Variants in BCL7C observed in about 807,000 individuals in gnomAD.
BCL7C encodes BAF chromatin remodeling complex subunit BCL7C.
Under a neutral mutation model 26.2 loss-of-function variants are expected in BCL7C, and 8 were observed. The observed-to-expected ratio is 0.30, with a 90% CI of 0.18 to 0.55. The LOEUF is 0.55. BCL7C is among the 20% of genes least tolerant of loss of function. The probability of loss-of-function intolerance (pLI) is 0.93; values close to 1 mark genes in which losing one functional copy is unlikely to be tolerated. For synonymous variants in BCL7C, 90 were observed against 116.5 expected (o/e 0.77, Z 1.47); for missense variants, 262 against 298.5 (o/e 0.88, Z 0.90).
At chr16:30,891,457 CAAAGA>C (rs1027320225) in intron 4 of BCL7C, among the ~76,000 whole-genome samples, 1 of 151,952 alleles carries the variant, frequency 6.6e-6, no homozygotes, top group African/African-American at 2.4e-5. Flanking sequence ...GAAACTCTCT[CAAAGA>C]AAAGAAAAAG....
intron 5 of BCL7C, among the ~76,000 whole-genome samples, chr16:30,865,873 C>A (rs2151374921): frequency 6.9e-6 from 1 of 144,336 alleles, no homozygotes; most frequent in African/African-American, 2.6e-5. Flanking sequence ...ATTACAGGCG[C>A]CCGCCACAGT....
At chr16:30,883,358 G>T (rs772923696), downstream of BCL7C, among the ~76,000 whole-genome samples, 5 of 151,530 alleles carry the variant, frequency 3.3e-5, no homozygotes, top group Non-Finnish European at 7.4e-5. Context: ...CATGTTCACT[G>T]TTTTTTTTAA....
chr16:30,874,042 C>A (rs1236336957), intron 5 of BCL7C, among the ~76,000 whole-genome samples: 1 of 145,726 alleles, frequency 6.9e-6, no homozygotes, highest in Non-Finnish European at 1.5e-5. Context: ...GTGGCCCAGG[C>A]TAGAGTGCAG....
intron 5 of BCL7C, among the ~76,000 whole-genome samples, chr16:30,867,322 G>A (rs1184723428): frequency 6.6e-6 from 1 of 152,042 alleles, no homozygotes; most frequent in Non-Finnish European, 1.5e-5. Context: ...GAATATTTAT[G>A]TATATGGATG....
chr16:30,882,930 T>C (rs1041924066), downstream of BCL7C, among the ~76,000 whole-genome samples: 1 of 152,196 alleles, frequency 6.6e-6, no homozygotes, highest in African/African-American at 2.4e-5. Context: ...CTTGGCTGGC[T>C]CCTGGGATGG....
intron 5 of BCL7C, among the ~76,000 whole-genome samples, chr16:30,871,441 G>A (rs1449063245): frequency 6.6e-6 from 1 of 152,048 alleles, no homozygotes; most frequent in African/African-American, 2.4e-5. Flanking sequence ...AAATGATTTT[G>A]TAAGATTATG....
chr16:30,870,251 C>T (rs1171174254), intron 5 of BCL7C, among the ~76,000 whole-genome samples: 1 of 152,204 alleles, frequency 6.6e-6, no homozygotes, highest in Non-Finnish European at 1.5e-5. Context: ...CCTTACGACT[C>T]CTGGCCTGCC....
At chr16:30,889,049 A>T in intron 4 of BCL7C, 104 bp from the exon 5 acceptor site, 1 of 1,127,458 alleles carries the variant, frequency 8.9e-7, no homozygotes, top group African/African-American at 1.5e-5. Flanking sequence ...CAGAGGGCAG[A>T]GGGCCATGGG....
chr16:30,883,536 C>CTTT (rs71149065), downstream of BCL7C, among the ~76,000 whole-genome samples: 14 of 45,460 alleles, frequency 3.1e-4, no homozygotes, highest in African/African-American at 5.5e-4. Flanking sequence ...GCCAAACTGG[C>CTTT]TTTTTTTTTT....
At chr16:30,851,647 C>T (rs1596587142) in intron 5 of BCL7C, 1 of 604,778 alleles carries the variant, frequency 1.7e-6, no homozygotes, top group South Asian at 1.9e-5. Context: ...TTTGGTGCAT[C>T]TCATCGATTT....
Position 30,834,471 on chromosome 16 carries a change from T to C in BCL7C, c.*477A>G, listed in dbSNP as rs574677825. On this transcript the variant is annotated 3_prime_UTR_variant, in exon 6 of 6. Coordinates refer to the BCL7C transcript ENST00000380317. This position sits in a 1 kb window ranked among gnomAD's most constrained non-coding sequence, Gnocchi z 4.3. ...GTCCAGGTGCCACGTGGGCATCTCG[T>C]GGTGCTGCAGAAGGCGGGAGGCCGG... The C allele has an allele frequency of 6.5e-6, 1 of 153,696 alleles. No homozygotes were observed. The highest frequency in any genetic ancestry group is 2.0e-4 in the South Asian group (1 of 4,894). 9.5% of individuals were successfully genotyped at this position (153,696 alleles called of 1,614,324 possible). A position where few individuals can be genotyped will look rare whatever the true frequency, so the allele number is the denominator to read the frequency against.
At chr16:30,846,674 G>A (rs1316774840) in intron 5 of BCL7C, among the ~76,000 whole-genome samples, 2 of 152,066 alleles carry the variant, frequency 1.3e-5, no homozygotes, top group Non-Finnish European at 2.9e-5. Context: ...AACTCCCATT[G>A]TGGCTTCTGC....
At chr16:30,851,721 C>A in intron 5 of BCL7C, 1 of 675,348 alleles carries the variant, frequency 1.5e-6, no homozygotes. Context: ...TGGATCAGAC[C>A]AGCAGCAGAC....
intron 5 of BCL7C, among the ~76,000 whole-genome samples, chr16:30,871,531 C>CTGGA (rs1374750028): frequency 6.6e-6 from 1 of 152,064 alleles, no homozygotes; most frequent in Non-Finnish European, 1.5e-5. Flanking sequence ...GTCGCCCAGG[C>CTGGA]TGGAGTGCAG....
chr16:30,851,705 T>G (rs2054676350), intron 5 of BCL7C: 2 of 718,950 alleles, frequency 2.8e-6, no homozygotes, highest in Admixed American at 2.2e-5. Context: ...ATTCAGAAAG[T>G]TGCAGTGGAT....
intron 5 of BCL7C, among the ~76,000 whole-genome samples, chr16:30,843,167 G>A (rs2054612902): frequency 6.6e-6 from 1 of 152,192 alleles, no homozygotes; most frequent in South Asian, 2.1e-4. Context: ...TCCGGCCACT[G>A]CGAGGCCATG....
At chr16:30,887,677 G>A (rs2055155213), downstream of BCL7C, 4 of 935,974 alleles carry the variant, frequency 4.3e-6, no homozygotes, top group Admixed American at 3.1e-5. Flanking sequence ...GCCTTGTGGT[G>A]TCACTACAGG....
chr16:30,847,991 A>C (rs982491069), intron 5 of BCL7C, among the ~76,000 whole-genome samples: 1 of 151,802 alleles, frequency 6.6e-6, no homozygotes, highest in African/African-American at 2.4e-5. Flanking sequence ...AGAATGTGAT[A>C]CTAGATAAGG....
intron 5 of BCL7C, among the ~76,000 whole-genome samples, chr16:30,854,793 G>A (rs1013336823): frequency 2.7e-5 from 4 of 147,972 alleles, no homozygotes; most frequent in African/African-American, 7.5e-5. Context: ...TGCAACCTCC[G>A]TCTCCCAGAG....
Sources: allele counts gnomAD v4.1 joint callset (sites outside exome capture counted in the v4.1 genomes callset), GRCh38; gene constraint gnomAD v4.1.1; non-coding constraint Gnocchi (gnomAD v3.1); transcripts MANE v1.5; gene names NCBI Gene and HGNC (gene_info 2026-07-23, HGNC 2026-07-21).